AREG: variants seen among roughly 807,000 people sequenced by gnomAD.
AREG encodes amphiregulin B.
Under a neutral mutation model 28.0 loss-of-function variants are expected in AREG, and 16 were observed. That is an observed-to-expected ratio of 0.57 (90% CI 0.39 to 0.87). The LOEUF (loss-of-function observed/expected upper bound fraction) is 0.87. Ranked by LOEUF, AREG falls within the 40% of genes least tolerant of loss-of-function variation. AREG has a pLI of 0.00. For missense variants in AREG, 287 were observed against 309.1 expected, an observed-to-expected ratio of 0.93 and a Z score of 0.53; for synonymous variants, 113 against 113.5, an observed-to-expected ratio of 1.00 and a Z score of 0.02.
rs961174841 is a variant in AREG at position 74,450,298 on chromosome 4, G to A, written c.513-82G>A. 2.4e-5 allele frequency: 39 copies of A among 1,606,556 alleles called. 1 individual carries two copies. The highest frequency in any genetic ancestry group is 2.4e-4 in the African/African-American group (18 of 74,754). The stretch of plus-strand genomic sequence containing the variant: ...AACTTTTTTAATGTTGGAATTAAAT[G>A]GTTCTTTATGATCTGGAGAATAAGC... On this transcript the variant is annotated intron_variant, in intron 3 of 5. Coordinates refer to ENST00000395748, the MANE Select transcript of AREG (RefSeq NM_001657.4).
At chr4:74,450,214 T>C (rs1719359812) in intron 3 of AREG, among the ~76,000 whole-genome samples, 166 bp from the exon 4 acceptor site, 1 of 152,208 alleles carries the variant, frequency 6.6e-6, no homozygotes, top group African/African-American at 2.4e-5. Context: ...CTTATACTAA[T>C]AGATCCTTAG....
chr4:74,448,989 T>A lies in AREG; in HGVS notation c.311-58T>A, dbSNP rs534791755. ...ACTGCTATGACATCTTTCTCTCATG[T>A]CTCTAAAATTATATTCAAGTTTGAG... On this transcript the variant is annotated intron_variant, in intron 2 of 5. Transcript: ENST00000395748. The A allele has an allele frequency of 2.3e-4, 366 of 1,597,824 alleles. 2 individuals carry two copies. In the African/African-American group the frequency reaches 4.6e-3, roughly 20 times the overall value.
chr4:74,448,186 A>C (rs1006294070), intron 2 of AREG, among the ~76,000 whole-genome samples: 11 of 152,254 alleles, frequency 7.2e-5, no homozygotes, highest in Non-Finnish European at 1.6e-4. Flanking sequence ...CGTTCATTCA[A>C]AATATTTCTC....
chr4:74,449,035 T>G lies in AREG; in HGVS notation c.311-12T>G. 2 of 1,607,828 alleles carry G rather than the reference T, an allele frequency of 1.2e-6. No homozygotes were observed. The highest frequency in any genetic ancestry group is 1.7e-6 in the Non-Finnish European group (2 of 1,179,008). ...TTGAGAGACTCTTGTCAATAAATCTTTTCTTTTTTAGTTGAACAGGTAGTT... is the reference window on the plus strand; with the variant it reads ...TTGAGAGACTCTTGTCAATAAATCTGTTCTTTTTTAGTTGAACAGGTAGTT... On this transcript the variant is annotated splice_polypyrimidine_tract_variant and intron_variant, in intron 2 of 5. Coordinates refer to ENST00000395748, the MANE Select transcript of AREG (RefSeq NM_001657.4).
intron 2 of AREG, 40 bp from the exon 3 acceptor site, chr4:74,449,007 A>C (rs28364983): frequency 0.17 from 279,689 of 1,600,956 alleles, 26,658 homozygotes; most frequent in Admixed American, 0.37. Context: ...ATTATATTCA[A>C]GTTTGAGAGA....
intron 4 of AREG, among the ~76,000 whole-genome samples, chr4:74,452,174 C>T (rs1719391509): frequency 6.6e-6 from 1 of 152,064 alleles, no homozygotes; most frequent in South Asian, 2.1e-4. Flanking sequence ...AATATTTAAT[C>T]ATTTAATTTG....
At chr4:74,450,604 C>T in intron 4 of AREG, 72 bp downstream of exon 4, 1 of 1,566,910 alleles carries the variant, frequency 6.4e-7, no homozygotes. Flanking sequence ...TTCTCTCATA[C>T]TCTACTCTGG....
chr4:74,450,601 ATACTC>A (rs1177255211), intron 4 of AREG, 69 bp downstream of exon 4: 5 of 1,583,614 alleles, frequency 3.2e-6, no homozygotes, highest in Non-Finnish European at 4.3e-6. Flanking sequence ...TATTTCTCTC[ATACTC>A]TACTCTGGTA....
chr4:74,446,895 T>A (rs1578843701), intron 2 of AREG, 113 bp downstream of exon 2: 4 of 1,602,504 alleles, frequency 2.5e-6, no homozygotes, highest in Non-Finnish European at 3.4e-6. Flanking sequence ...ATTGTATATC[T>A]GTTGGATAGC....
At chr4:74,453,339 T>G (rs2110413401) in intron 5 of AREG, among the ~76,000 whole-genome samples, 1 of 152,110 alleles carries the variant, frequency 6.6e-6, no homozygotes, top group African/African-American at 2.4e-5. Flanking sequence ...GGGAGGGGGA[T>G]GTAAATTTGA....
chr4:74,445,332 G>T lies in AREG; in HGVS notation c.-14G>T. The T allele has an allele frequency of 6.2e-7, 1 of 1,608,952 alleles. No homozygotes were observed. ...TTGCCCCAGAGACCGAGACGCCGCC[G>T]CTGCGAAGGACCAATGAGAGCCCCG... On this transcript the variant is annotated 5_prime_UTR_variant, in exon 1 of 6. Transcript: ENST00000395748.
In AREG at chr4:74,446,730, G is replaced by T; in HGVS notation, c.258G>T (p.Glu86Asp). 6.2e-7 allele frequency: 1 copy of T among 1,613,990 alleles called. No homozygotes were observed. The highest frequency in any genetic ancestry group is 1.1e-5 in the South Asian group (1 of 91,068). The stretch of plus-strand genomic sequence containing the variant: ...GAGCCGACTATGACTACTCAGAAGA[G>T]TATGATAACGAACCACAAATACCTG... ...SSGADYDYSE[E>D]YDNEPQIPGY... The change falls in exon 2 of 6, where the codon GAG becomes GAT. Residue 86 changes from glutamate (E) to aspartate (D), a missense_variant. Physicochemically the swap from Glu to Asp is conservative, Grantham distance 45. Coordinates refer to ENST00000395748, the MANE Select transcript of AREG (RefSeq NM_001657.4).
chr4:74,451,027 G>T (rs1719372818), intron 4 of AREG, among the ~76,000 whole-genome samples: 1 of 152,088 alleles, frequency 6.6e-6, no homozygotes, highest in African/African-American at 2.4e-5. Context: ...TCTGAGTTAG[G>T]AATATTATAA....
In AREG at chr4:74,454,842, C is replaced by A; in HGVS notation, c.*102C>A. 1 of 699,872 alleles carries A rather than the reference C, an allele frequency of 1.4e-6. No individual in the cohort carries two copies. The highest frequency in any genetic ancestry group is 2.6e-6 in the Non-Finnish European group (1 of 383,456). The allele number at this position is 699,872 out of a possible 1,614,324, so 43.4% of individuals were successfully genotyped here. A position where few individuals can be genotyped will look rare whatever the true frequency, so the allele number is the denominator to read the frequency against. On this transcript the variant is annotated 3_prime_UTR_variant, in exon 6 of 6. Transcript: ENST00000395748. ...CCAGTGGATCATAAGACAATGGACC[C>A]TTTTTGTTATGATGGTTTTAAACTT...
intron 1 of AREG, 94 bp downstream of exon 1, chr4:74,445,500 T>C (rs1433904794): frequency 1.3e-6 from 2 of 1,544,486 alleles, no homozygotes; most frequent in South Asian, 1.2e-5. Flanking sequence ...AATCGCCCTT[T>C]AGTTCCCCCG....
In AREG at chr4:74,445,185, C is replaced by T. The variant is rs1358998589; in HGVS notation, c.-161C>T. 6.1e-6 allele frequency: 9 copies of T among 1,464,684 alleles called. No individual in the cohort carries two copies. The East Asian group carries it at 1.2e-4, about 20-fold the overall frequency. The allele number at this position is 1,464,684 out of a possible 1,614,324, so 90.7% of individuals were successfully genotyped here. On this transcript the variant is annotated 5_prime_UTR_variant, in exon 1 of 6. Coordinates refer to ENST00000395748, the MANE Select transcript of AREG (RefSeq NM_001657.4). ...GCGCCCCAGAGGTCCCGGGACAGCC[C>T]GAGGCGCCGCGCCCGCCGCCCCGAG...
At position 74,445,141 on chromosome 4, in the gene AREG, T is replaced by C. The variant is rs2110410086; in HGVS notation, c.-205T>C. The C allele has an allele frequency of 8.5e-7, 1 of 1,171,394 alleles. No homozygotes were observed. The highest frequency in any genetic ancestry group is 1.6e-5 in the South Asian group (1 of 61,142). 72.6% of individuals were successfully genotyped at this position (1,171,394 alleles called of 1,614,324 possible). On this transcript the variant is annotated 5_prime_UTR_variant, in exon 1 of 6. Transcript: ENST00000395748. ...GCAGGTGCGCGCCGCCCTACAGACG[T>C]TCGCACACCTGGGTGCCAGCGCCCC...
At chr4:74,453,128 A>T (rs1168307574) in intron 5 of AREG, among the ~76,000 whole-genome samples, 1 of 152,208 alleles carries the variant, frequency 6.6e-6, no homozygotes, top group East Asian at 1.9e-4. Flanking sequence ...AGAAAGGGTT[A>T]TACTGAGAAA....
intron 2 of AREG, 49 bp from the exon 3 acceptor site, chr4:74,448,998 T>A (rs965396354): frequency 1.9e-6 from 3 of 1,600,682 alleles, no homozygotes; most frequent in Non-Finnish European, 2.5e-6. Flanking sequence ...GTCTCTAAAA[T>A]TATATTCAAG....
Sources: gnomAD v4.1 joint callset for allele counts (sites outside exome capture counted in the v4.1 genomes callset) on GRCh38, gnomAD v4.1.1 for gene constraint, MANE v1.5 for transcripts, NCBI Gene and HGNC (gene_info 2026-07-23, HGNC 2026-07-21) for gene names.